CTNNA3: variants seen among roughly 807,000 people sequenced by gnomAD.
CTNNA3 encodes the protein catenin alpha-3.
In CTNNA3, 76 loss-of-function variants were observed where a neutral mutation model predicts 95.7. That is an observed-to-expected ratio of 0.79 (90% CI 0.66 to 0.96). The LOEUF (loss-of-function observed/expected upper bound fraction) is 0.96. Ranked by LOEUF, CTNNA3 falls within the 40% of genes least tolerant of loss-of-function variation. CTNNA3 has a pLI of 0.00. For synonymous variants in CTNNA3, 431 were observed against 374.4 expected, an observed-to-expected ratio of 1.15 and a Z score of -1.74; for missense variants, 1,191 against 1,089.8, an observed-to-expected ratio of 1.09 and a Z score of -1.31.
rs932812059 is a variant in CTNNA3, at chr10:66,691,620, C to T, written c.1282-69836G>A. Among the ~76,000 whole-genome samples the T allele has an allele frequency of 2.6e-5, 4 of 152,160 alleles. No individual in the cohort carries two copies. The East Asian group carries it at 5.8e-4, about 22-fold the overall frequency. On this transcript the variant is annotated intron_variant, in intron 9 of 17. Transcript: ENST00000433211. Reference sequence around the variant, plus strand: ...CTGAAGAGAGCAGTGGTTATCCCAGCACGCAGCTGGAGATCTGAGAATGGG... The same window carrying T: ...CTGAAGAGAGCAGTGGTTATCCCAGTACGCAGCTGGAGATCTGAGAATGGG...
At chr10:67,093,558 G>T (rs77399334) in intron 7 of CTNNA3, among the ~76,000 whole-genome samples, 13,159 of 151,838 alleles carry the variant, frequency 0.087, 629 homozygotes, top group Middle Eastern at 0.12. Flanking sequence ...GATCTACAAG[G>T]TTGAGTCAAA....
intron 7 of CTNNA3, among the ~76,000 whole-genome samples, chr10:66,830,431 C>T (rs924308810): frequency 6.3e-5 from 9 of 142,718 alleles, no homozygotes; most frequent in South Asian, 2.1e-4. Context: ...AAAGAAGTAC[C>T]GACAGAGGTT....
At chr10:67,454,660 A>G (rs936736448) in intron 5 of CTNNA3, among the ~76,000 whole-genome samples, 2 of 152,158 alleles carry the variant, frequency 1.3e-5, no homozygotes, top group Non-Finnish European at 2.9e-5. Flanking sequence ...TTAAATGAGG[A>G]GTGAATTAGA....
chr10:66,082,678 A>ATC (rs35063504), intron 14 of CTNNA3, among the ~76,000 whole-genome samples: 42,682 of 151,996 alleles, frequency 0.28, 6,603 homozygotes, highest in South Asian at 0.42. Flanking sequence ...GGCCTATAGG[A>ATC]TCTCTGTACT....
chr10:67,549,850 A>G (rs1840962853), intron 3 of CTNNA3, among the ~76,000 whole-genome samples: 1 of 152,188 alleles, frequency 6.6e-6, no homozygotes, highest in South Asian at 2.1e-4. Flanking sequence ...AGCTATTTTC[A>G]TTCTTCAACA....
chr10:66,787,584 G>C (rs1322899657), intron 7 of CTNNA3, among the ~76,000 whole-genome samples: 1 of 152,104 alleles, frequency 6.6e-6, no homozygotes, highest in Non-Finnish European at 1.5e-5. Context: ...TTATGACCAA[G>C]ACCTATCCCC....
intron 9 of CTNNA3, among the ~76,000 whole-genome samples, chr10:66,632,372 G>A (rs936726310): frequency 1.3e-5 from 2 of 151,716 alleles, no homozygotes; most frequent in Admixed American, 6.6e-5. Context: ...TGGCCAACAC[G>A]GTGCAACCCC....
intron 5 of CTNNA3, among the ~76,000 whole-genome samples, chr10:67,343,330 T>C (rs1438860629): frequency 2.0e-5 from 3 of 152,196 alleles, no homozygotes; most frequent in Admixed American, 6.5e-5. Context: ...ATTAAATATA[T>C]AGATTACTTT....
chr10:66,528,482 T>TTAA (rs1841347393), intron 10 of CTNNA3, among the ~76,000 whole-genome samples: 1 of 152,194 alleles, frequency 6.6e-6, no homozygotes, highest in Non-Finnish European at 1.5e-5. Flanking sequence ...AAGCTTGTAT[T>TTAA]TACAGGCATC....
At chr10:65,956,203 T>C (rs568200551) in intron 17 of CTNNA3, among the ~76,000 whole-genome samples, 3 of 152,344 alleles carry the variant, frequency 2.0e-5, no homozygotes, top group South Asian at 2.1e-4. Context: ...TCTCTGATGG[T>C]AGTTTGTACT....
chr10:66,094,218 G>A (rs549174231), intron 14 of CTNNA3, among the ~76,000 whole-genome samples: 2 of 152,148 alleles, frequency 1.3e-5, no homozygotes, highest in South Asian at 2.1e-4. Flanking sequence ...TGGTGTGAGG[G>A]TGAGCCTGAT....
At position 66,107,611 on chromosome 10, in the gene CTNNA3, C is replaced by G. The variant is rs962100789; in HGVS notation, c.1885-4362G>C. 5.9e-5 allele frequency among the ~76,000 whole-genome samples: 9 copies of G among 152,162 alleles called. No homozygotes were observed. The South Asian group carries it at 1.9e-3, about 32-fold the overall frequency. On this transcript the variant is annotated intron_variant, in intron 13 of 17. Coordinates refer to ENST00000433211, the MANE Select transcript of CTNNA3 (RefSeq NM_013266.4). ...TAGTAATACATTAAGACTTCAGGGT[C>G]ACAATACATTTCATATATATATCCT...
intron 11 of CTNNA3, among the ~76,000 whole-genome samples, chr10:66,413,133 A>G (rs2093121215): frequency 6.6e-6 from 1 of 152,172 alleles, no homozygotes; most frequent in South Asian, 2.1e-4. Context: ...CACACATTGT[A>G]TACAGTTTTA....
chr10:67,006,176 G>A (rs1485152957), intron 7 of CTNNA3, among the ~76,000 whole-genome samples: 1 of 152,096 alleles, frequency 6.6e-6, no homozygotes, highest in Non-Finnish European at 1.5e-5. Flanking sequence ...GTTGCATAAA[G>A]TGAAGCCACA....
intron 5 of CTNNA3, among the ~76,000 whole-genome samples, chr10:67,319,144 A>G (rs1841197011): frequency 1.3e-5 from 2 of 152,198 alleles, no homozygotes; most frequent in Admixed American, 1.3e-4. Flanking sequence ...GTCTCCAATA[A>G]ACTGTACTGG....
chr10:66,307,702 A>G (rs994115228), intron 12 of CTNNA3, among the ~76,000 whole-genome samples: 1 of 152,254 alleles, frequency 6.6e-6, no homozygotes, highest in Non-Finnish European at 1.5e-5. Context: ...CATAAAAATC[A>G]AAAGTATTGC....
At chr10:66,720,924 G>A (rs1344537537) in intron 9 of CTNNA3, among the ~76,000 whole-genome samples, 4 of 152,198 alleles carry the variant, frequency 2.6e-5, no homozygotes, top group African/African-American at 9.6e-5. Context: ...TGTTGATCAG[G>A]ACCTATGGTA....
chr10:67,451,389 T>TA lies in CTNNA3; in HGVS notation c.579+70452dup, dbSNP rs370242105. Among the ~76,000 whole-genome samples the TA allele has an allele frequency of 1.4e-3, 203 of 146,356 alleles. 1 individual carries two copies. Among genetic ancestry groups the TA allele is most frequent in the African/African-American group, 3.9e-3 (154 of 39,994 alleles). ...AAGATGTGATGTTAGAAACCTATGG[T>TA]AAAAAAAAAAGCAATTATGAGAAAA... On this transcript the variant is annotated intron_variant, in intron 5 of 17. Coordinates refer to ENST00000433211, the MANE Select transcript of CTNNA3 (RefSeq NM_013266.4).
intron 13 of CTNNA3, among the ~76,000 whole-genome samples, chr10:66,194,502 C>T (rs563640477): frequency 3.5e-4 from 54 of 152,254 alleles, no homozygotes; most frequent in Non-Finnish European, 7.1e-4. Flanking sequence ...ATCGCTTGAA[C>T]ACTGGAGGTG....
Sources: gnomAD v4.1 joint callset for allele counts (sites outside exome capture counted in the v4.1 genomes callset) on GRCh38, gnomAD v4.1.1 for gene constraint, MANE v1.5 for transcripts, NCBI Gene and HGNC (gene_info 2026-07-23, HGNC 2026-07-21) for gene names.